The following ARSB variants were observed in gnomAD, a reference collection of about 807,000 sequenced individuals.
ARSB encodes the protein N-acetylgalactosamine-4-sulfatase.
In ARSB, 41 loss-of-function variants were observed where a neutral mutation model predicts 50.9. The observed-to-expected ratio is 0.81, with a 90% CI of 0.63 to 1.04. The LOEUF (loss-of-function observed/expected upper bound fraction) is 1.04, where lower values mean the gene tolerates loss of function less well. Among genes scored for constraint, ARSB ranks in the 50% least tolerant of loss-of-function variants. The pLI is 0.00. For synonymous variants in ARSB, 269 were observed against 284.8 expected, an observed-to-expected ratio of 0.94 and a Z score of 0.56; for missense variants, 672 against 693.3, an observed-to-expected ratio of 0.97 and a Z score of 0.35.
intron 4 of ARSB, among the ~76,000 whole-genome samples, chr5:78,903,850 T>A (rs576086687): frequency 6.6e-6 from 1 of 152,212 alleles, no homozygotes; most frequent in Non-Finnish European, 1.5e-5. Context: ...TGCTGGTGAT[T>A]TCTTTTTAAT....
rs778868348 is a variant in ARSB at position 78,955,503 on chromosome 5, C to T, written c.691-1G>A. ...GGAGAGCAAGGTAGAGAAACAGAGGCTGGAAAGAAAGTTTGTGCAAACCAG... is the reference window on the plus strand; with the variant it reads ...GGAGAGCAAGGTAGAGAAACAGAGGTTGGAAAGAAAGTTTGTGCAAACCAG... On this transcript the variant is annotated splice_acceptor_variant, in intron 3 of 7. Transcript: ENST00000264914. LOFTEE classifies it high-confidence loss of function. The T allele has an allele frequency of 6.2e-7, 1 of 1,613,644 alleles. No individual in the cohort carries two copies. The highest frequency in any genetic ancestry group is 1.3e-5 in the African/African-American group (1 of 74,882).
intron 5 of ARSB, among the ~76,000 whole-genome samples, chr5:78,857,705 A>G (rs1433824757): frequency 6.6e-6 from 1 of 152,178 alleles, no homozygotes; most frequent in Non-Finnish European, 1.5e-5. Flanking sequence ...CCCAGCACAT[A>G]TTATTGGCTA....
intron 2 of ARSB, 67 bp downstream of exon 2, chr5:78,968,939 T>C: frequency 6.5e-7 from 1 of 1,537,972 alleles, no homozygotes. Context: ...TGATTGCACT[T>C]GGGTGTGTTT....
intron 6 of ARSB, among the ~76,000 whole-genome samples, chr5:78,833,212 G>A (rs1744773588): frequency 1.3e-5 from 2 of 152,110 alleles, no homozygotes; most frequent in Admixed American, 1.3e-4. Flanking sequence ...TGCCTACCCT[G>A]GGATTATGGC....
At chr5:78,797,359 G>A (rs547948571) in intron 6 of ARSB, among the ~76,000 whole-genome samples, 4 of 152,050 alleles carry the variant, frequency 2.6e-5, no homozygotes, top group South Asian at 2.1e-4. Context: ...CCAACATTTC[G>A]CTGGGTATTC....
At chr5:78,867,572 C>T (rs1393186148) in intron 5 of ARSB, among the ~76,000 whole-genome samples, 4 of 151,938 alleles carry the variant, frequency 2.6e-5, no homozygotes, top group East Asian at 1.9e-4. Flanking sequence ...ACACCTCACA[C>T]GGCAGGGTAT....
chr5:78,934,159 C>T (rs973880292), intron 4 of ARSB, among the ~76,000 whole-genome samples: 1 of 152,216 alleles, frequency 6.6e-6, no homozygotes, highest in Non-Finnish European at 1.5e-5. Flanking sequence ...CCAATGCTTA[C>T]TTTAATGCCA....
Position 78,985,158 on chromosome 5 carries a change from A to ACAGCAG in ARSB, c.85_90dup (p.Leu31_Leu32dup), listed in dbSNP as rs752671202. 4 of 1,451,096 alleles carry ACAGCAG rather than the reference A, an allele frequency of 2.8e-6. No individual in the cohort carries two copies. The highest frequency in any genetic ancestry group is 2.8e-5 in the South Asian group (2 of 70,226). The allele number at this position is 1,451,096 out of a possible 1,614,324, so 89.9% of individuals were successfully genotyped here. ...GCGCCCGAGCCCGGCGGCGCCAACA[A>ACAGCAG]CAGCAGCAGCAGCAGCGGGAGGACG... On this transcript the variant is annotated inframe_insertion, in exon 1 of 8. Transcript: ENST00000264914.
intron 6 of ARSB, among the ~76,000 whole-genome samples, chr5:78,820,756 T>C (rs1305178312): frequency 1.3e-5 from 2 of 152,136 alleles, no homozygotes; most frequent in South Asian, 2.1e-4. Flanking sequence ...AGTACATCCC[T>C]GACTTCTACC....
At chr5:78,873,977 A>G (rs1413357910) in intron 5 of ARSB, among the ~76,000 whole-genome samples, 1 of 152,220 alleles carries the variant, frequency 6.6e-6, no homozygotes, top group Non-Finnish European at 1.5e-5. Flanking sequence ...CTGGGTGCCC[A>G]GACAAAAAAC....
chr5:78,817,115 C>T (rs1226198601), intron 6 of ARSB: 2 of 985,292 alleles, frequency 2.0e-6, no homozygotes, highest in Middle Eastern at 5.2e-4. Flanking sequence ...TTCCGGACTT[C>T]AGTTCAATCA....
intron 5 of ARSB, among the ~76,000 whole-genome samples, chr5:78,863,889 A>C (rs1238255338): frequency 6.6e-6 from 1 of 151,342 alleles, no homozygotes; most frequent in Non-Finnish European, 1.5e-5. Context: ...GTTTTTCTTA[A>C]AGTGGAATAA....
intron 4 of ARSB, among the ~76,000 whole-genome samples, chr5:78,923,310 T>C (rs1418237303): frequency 2.6e-5 from 4 of 152,238 alleles, no homozygotes; most frequent in Admixed American, 6.5e-5. Context: ...CCATGGGCAC[T>C]GACTCCCAGC....
At chr5:78,877,215 G>C (rs1204848089) in intron 5 of ARSB, among the ~76,000 whole-genome samples, 1 of 152,186 alleles carries the variant, frequency 6.6e-6, no homozygotes, top group Non-Finnish European at 1.5e-5. Flanking sequence ...ACAGGCTGCT[G>C]TGAGAAGGTT....
Position 78,780,214 on chromosome 5 carries a change from A to G in ARSB, c.*183T>C, listed in dbSNP as rs1355570833. 35 of 742,332 alleles carry G rather than the reference A, an allele frequency of 4.7e-5. No homozygotes were observed. Among genetic ancestry groups the G allele is most frequent in the Non-Finnish European group, 6.6e-6 (3 of 451,284 alleles). 46.0% of individuals were successfully genotyped at this position (742,332 alleles called of 1,614,324 possible). A position where few individuals can be genotyped will look rare whatever the true frequency, so the allele number is the denominator to read the frequency against. The stretch of plus-strand genomic sequence containing the variant: ...GACACATGCTCCAGCCAACAGCAGG[A>G]GTGTTGCAGATTTTATCAGCTTCTT... On this transcript the variant is annotated 3_prime_UTR_variant, in exon 8 of 8. Coordinates refer to ENST00000264914, the MANE Select transcript of ARSB (RefSeq NM_000046.5).
At chr5:78,794,291 C>T (rs1040420900) in intron 6 of ARSB, among the ~76,000 whole-genome samples, 1 of 151,762 alleles carries the variant, frequency 6.6e-6, no homozygotes, top group Non-Finnish European at 1.5e-5. Context: ...GTTCTTGGCT[C>T]AAAAGGGCAA....
intron 5 of ARSB, among the ~76,000 whole-genome samples, chr5:78,853,211 TGGTGATGTACAGATG>T (rs1745933990): frequency 6.6e-6 from 1 of 152,236 alleles, no homozygotes; most frequent in Non-Finnish European, 1.5e-5. Context: ...TCTTTGATGA[TGGTGATGTACAGATG>T]GGTTTTTGGT....
chr5:78,941,204 T>C (rs1750903457), intron 4 of ARSB, among the ~76,000 whole-genome samples: 1 of 151,534 alleles, frequency 6.6e-6, no homozygotes, highest in Non-Finnish European at 1.5e-5. Context: ...TGGGGTTTTC[T>C]AGATATACAA....
chr5:78,952,211 A>G (rs1463633287), intron 4 of ARSB, among the ~76,000 whole-genome samples: 1 of 152,224 alleles, frequency 6.6e-6, no homozygotes, highest in Non-Finnish European at 1.5e-5. Context: ...TCTGTTTGAA[A>G]GTACAATTAT....
Sources: allele counts gnomAD v4.1 joint callset (sites outside exome capture counted in the v4.1 genomes callset), GRCh38; gene constraint gnomAD v4.1.1; transcripts MANE v1.5; gene names NCBI Gene and HGNC (gene_info 2026-07-23, HGNC 2026-07-21).